CCDC6: variants seen among roughly 807,000 people sequenced by gnomAD.
CCDC6 encodes the protein coiled-coil domain containing 6, also known as coiled-coil domain-containing protein 6.
A neutral mutation model predicts 56.6 loss-of-function variants in CCDC6; 20 were observed. That is an observed-to-expected ratio of 0.35 (90% CI 0.25 to 0.51). The LOEUF (loss-of-function observed/expected upper bound fraction) is 0.51, where lower values mean the gene tolerates loss of function less well. CCDC6 is among the 20% of genes least tolerant of loss of function. The pLI, the probability that CCDC6 is intolerant of heterozygous loss-of-function variation, is 0.95. For missense variants in CCDC6, 367 were observed against 601.1 expected, an observed-to-expected ratio of 0.61 and a Z score of 4.07; for synonymous variants, 241 against 234.4, an observed-to-expected ratio of 1.03 and a Z score of -0.26.
At chr10:59,844,657 G>A (rs2070973908) in intron 2 of CCDC6, among the ~76,000 whole-genome samples, 1 of 105,656 alleles carries the variant, frequency 9.5e-6, no homozygotes, top group Non-Finnish European at 1.9e-5. Flanking sequence ...GGAGGCTGAG[G>A]CATGAGAATC....
At chr10:59,828,834 C>T (rs1222800776) in intron 3 of CCDC6, among the ~76,000 whole-genome samples, 1 of 152,140 alleles carries the variant, frequency 6.6e-6, no homozygotes, top group Non-Finnish European at 1.5e-5. Context: ...ATGCCCCTAC[C>T]CCTGGATTTA....
chr10:59,865,373 C>G (rs979614836), intron 1 of CCDC6, among the ~76,000 whole-genome samples: 1 of 152,188 alleles, frequency 6.6e-6, no homozygotes, highest in Non-Finnish European at 1.5e-5. Context: ...GGGCCAATTA[C>G]AGACAGAGAT....
chr10:59,880,512 T>C (rs187068898), intron 1 of CCDC6, among the ~76,000 whole-genome samples: 7 of 152,332 alleles, frequency 4.6e-5, no homozygotes, highest in Non-Finnish European at 7.4e-5. Context: ...GGAGGGATAA[T>C]GGCCGGAAGG....
At chr10:59,797,660 G>A (rs1194450183) in intron 7 of CCDC6, among the ~76,000 whole-genome samples, 1 of 107,034 alleles carries the variant, frequency 9.3e-6, no homozygotes, top group Non-Finnish European at 1.8e-5. Context: ...ATGAGTGAGT[G>A]AGAGAGAGAG....
At chr10:59,830,965 C>G (rs1346502478) in intron 3 of CCDC6, among the ~76,000 whole-genome samples, 1 of 152,234 alleles carries the variant, frequency 6.6e-6, no homozygotes, top group Non-Finnish European at 1.5e-5. Context: ...TCTCCTAATA[C>G]TAGCTTCTGT....
chr10:59,902,485 C>G (rs757911566), intron 1 of CCDC6, among the ~76,000 whole-genome samples: 4 of 148,646 alleles, frequency 2.7e-5, no homozygotes, highest in Non-Finnish European at 5.9e-5. Context: ...CCTCCACCTC[C>G]TGGGTTCACG....
At chr10:59,882,024 C>CAGG (rs1491423168) in intron 1 of CCDC6, among the ~76,000 whole-genome samples, 2 of 48,254 alleles carry the variant, frequency 4.1e-5, no homozygotes, top group Non-Finnish European at 7.4e-5. Context: ...AAAGGAAAGC[C>CAGG]GCGGGGAGAA....
At chr10:59,796,402 A>AT (rs1025166113) in intron 7 of CCDC6, among the ~76,000 whole-genome samples, 4 of 151,436 alleles carry the variant, frequency 2.6e-5, no homozygotes, top group Non-Finnish European at 5.9e-5. Context: ...GGTTGCAAAA[A>AT]TTTTCTCCCA....
At chr10:59,832,117 A>C (rs2070840145) in intron 3 of CCDC6, among the ~76,000 whole-genome samples, 1 of 152,234 alleles carries the variant, frequency 6.6e-6, no homozygotes, top group African/African-American at 2.4e-5. Flanking sequence ...GTTGCCAATC[A>C]ATCAAAGAGG....
At chr10:59,842,500 C>G (rs11819444) in intron 2 of CCDC6, among the ~76,000 whole-genome samples, 8,608 of 152,256 alleles carry the variant, frequency 0.057, 683 homozygotes, top group African/African-American at 0.18. Context: ...GCAAATTACA[C>G]TTACTGATTT....
intron 2 of CCDC6, among the ~76,000 whole-genome samples, chr10:59,833,668 A>G (rs1202037501): frequency 7.0e-6 from 1 of 143,288 alleles, no homozygotes; most frequent in Non-Finnish European, 1.5e-5. Context: ...GTTGATCCAC[A>G]GCAGGGGTTG....
chr10:59,887,194 T>C (rs1378595319), intron 1 of CCDC6, among the ~76,000 whole-genome samples: 13 of 152,206 alleles, frequency 8.5e-5, no homozygotes, highest in Admixed American at 7.9e-4. Flanking sequence ...TCCTACTCTC[T>C]GCGGTATGAC....
At chr10:59,809,323 T>A (rs150683251) in intron 5 of CCDC6, among the ~76,000 whole-genome samples, 16 of 152,282 alleles carry the variant, frequency 1.1e-4, no homozygotes, top group Non-Finnish European at 2.1e-4. Flanking sequence ...GAACATTGTC[T>A]TTCAAAGAAA....
intron 3 of CCDC6, among the ~76,000 whole-genome samples, chr10:59,815,660 C>T (rs1258869130): frequency 1.3e-5 from 2 of 152,162 alleles, no homozygotes; most frequent in Non-Finnish European, 2.9e-5. Context: ...TTCTATCATT[C>T]TCCGTACTTG....
At chr10:59,852,366 G>C (rs184525124) in intron 2 of CCDC6, among the ~76,000 whole-genome samples, 187 bp downstream of exon 2, 1 of 152,306 alleles carries the variant, frequency 6.6e-6, no homozygotes, top group East Asian at 1.9e-4. Context: ...AACATATGCA[G>C]ATAAGCTAGA....
chr10:59,876,844 G>A (rs1241820141), intron 1 of CCDC6, among the ~76,000 whole-genome samples: 2 of 152,088 alleles, frequency 1.3e-5, no homozygotes, highest in Admixed American at 1.3e-4. Context: ...GTCATGTGTT[G>A]GTTAATGACA....
chr10:59,881,556 TG>T (rs1278348028), intron 1 of CCDC6, among the ~76,000 whole-genome samples: 2 of 152,110 alleles, frequency 1.3e-5, no homozygotes, highest in African/African-American at 2.4e-5. Context: ...TAAAATTCAC[TG>T]GGGGGTTCTT....
chr10:59,898,956 T>G (rs1351627462), intron 1 of CCDC6, among the ~76,000 whole-genome samples: 1 of 152,120 alleles, frequency 6.6e-6, no homozygotes, highest in Non-Finnish European at 1.5e-5. Flanking sequence ...TGACCATCAA[T>G]CATATTGTTA....
chr10:59,852,406 C>A (rs1420380948), intron 2 of CCDC6, 147 bp downstream of exon 2: 7 of 581,464 alleles, frequency 1.2e-5, no homozygotes, highest in Admixed American at 3.8e-5. Flanking sequence ...TACACCGCTG[C>A]CACCCTTACC....
Sources: allele counts gnomAD v4.1 joint callset (sites outside exome capture counted in the v4.1 genomes callset), GRCh38; gene constraint gnomAD v4.1.1; transcripts MANE v1.5; gene names NCBI Gene and HGNC (gene_info 2026-07-23, HGNC 2026-07-21).